Variants in ELF2 observed in about 807,000 individuals in gnomAD.
ELF2 encodes the protein E74 like ETS transcription factor 2.
Under a neutral mutation model 54.8 loss-of-function variants are expected in ELF2, and 11 were observed. That is an observed-to-expected ratio of 0.20 (90% CI 0.13 to 0.33). The LOEUF (loss-of-function observed/expected upper bound fraction) is 0.33. Among genes scored for constraint, ELF2 ranks in the 10% least tolerant of loss-of-function variants. ELF2 has a pLI of 1.00. For missense variants in ELF2, 513 were observed against 703.0 expected (o/e 0.73, Z 3.06); for synonymous variants, 203 against 245.1 (o/e 0.83, Z 1.61).
intron 4 of ELF2, among the ~76,000 whole-genome samples, chr4:139,090,697 C>T (rs182426539): frequency 1.1e-3 from 174 of 152,234 alleles, no homozygotes; most frequent in African/African-American, 4.0e-3. Flanking sequence ...CAGGCTCAAA[C>T]GATTCTCGTG....
chr4:139,149,413 C>T (rs1484029739), intron 1 of ELF2, among the ~76,000 whole-genome samples: 1 of 152,110 alleles, frequency 6.6e-6, no homozygotes, highest in Non-Finnish European at 1.5e-5. Flanking sequence ...AGTTTGAGAC[C>T]AGCCTGGCCA....
rs1560768456 is a variant in ELF2, at chr4:139,071,848, T to C, written c.526+18A>G. The C allele has an allele frequency of 1.3e-6, 2 of 1,559,728 alleles. No individual in the cohort carries two copies. The highest frequency in any genetic ancestry group is 1.7e-6 in the Non-Finnish European group (2 of 1,161,736). On this transcript the variant is annotated intron_variant, in intron 6 of 9. Transcript: ENST00000686138. ...AAATTTTCACCTGCCTTCTCAGAAA[T>C]GTATAAATATACTCTACCTTTTTTC...
chr4:139,104,793 C>T (rs988231757), intron 4 of ELF2, among the ~76,000 whole-genome samples: 1 of 152,160 alleles, frequency 6.6e-6, no homozygotes, highest in Non-Finnish European at 1.5e-5. Flanking sequence ...TAACCAGAGG[C>T]CTTCACTGTC....
chr4:139,092,464 A>T (rs1197134252), intron 4 of ELF2, among the ~76,000 whole-genome samples: 28 of 151,452 alleles, frequency 1.8e-4, no homozygotes, highest in Non-Finnish European at 4.4e-5. Context: ...AACATAACAT[A>T]ACATAACATA....
At position 139,148,284 on chromosome 4, in the gene ELF2, G is replaced by A. The variant is rs893033009; in HGVS notation, c.-251-8787C>T. The stretch of plus-strand genomic sequence containing the variant: ...TACCTCAGGGCCTCTACAGTAGCTA[G>A]GACTACAGACAGGTGAAGTCATACC... On this transcript the variant is annotated intron_variant, in intron 1 of 9. Transcript: ENST00000686138. Among the ~76,000 whole-genome samples the A allele has an allele frequency of 2.7e-5, 4 of 147,732 alleles. No individual in the cohort carries two copies. In the Admixed American group the frequency reaches 2.7e-4, roughly 10 times the overall value.
chr4:139,154,915 T>A (rs570694344), intron 1 of ELF2, among the ~76,000 whole-genome samples: 3 of 152,212 alleles, frequency 2.0e-5, no homozygotes, highest in African/African-American at 7.2e-5. Context: ...TTGTCTCTTA[T>A]CTACCCACAC....
chr4:139,133,130 C>A (rs1160343107), intron 3 of ELF2, among the ~76,000 whole-genome samples: 1 of 151,938 alleles, frequency 6.6e-6, no homozygotes, highest in Admixed American at 6.6e-5. Context: ...ACTGCGATAG[C>A]CAGGATGTTC....
At chr4:139,148,946 A>T (rs903474916) in intron 1 of ELF2, among the ~76,000 whole-genome samples, 1 of 152,224 alleles carries the variant, frequency 6.6e-6, no homozygotes, top group Non-Finnish European at 1.5e-5. Flanking sequence ...ATTTTGGTAG[A>T]TGCGGTACAA....
chr4:139,162,876 T>C (rs889613873), intron 1 of ELF2, among the ~76,000 whole-genome samples: 7 of 152,016 alleles, frequency 4.6e-5, no homozygotes, highest in Non-Finnish European at 1.0e-4. Context: ...ACAGGAGGAT[T>C]ACTTAAGGCC....
chr4:139,085,006 G>C (rs1197210132), intron 4 of ELF2, among the ~76,000 whole-genome samples: 1 of 152,112 alleles, frequency 6.6e-6, no homozygotes, highest in Non-Finnish European at 1.5e-5. Flanking sequence ...CTGGAGATGA[G>C]ACTCCCCCAA....
In ELF2 at chr4:139,170,288, A is replaced by G. The variant is rs866558542; in HGVS notation, c.-252+6679T>C. ...TTTTTTTTTTTTTTTTTTTTGAGACAGAGTCTCGCTCTGTTGCCCAGGCTG... is the reference window on the plus strand; with the variant it reads ...TTTTTTTTTTTTTTTTTTTTGAGACGGAGTCTCGCTCTGTTGCCCAGGCTG... On this transcript the variant is annotated intron_variant, in intron 1 of 9. Coordinates refer to ENST00000686138, the MANE Select transcript of ELF2 (RefSeq NM_001331036.3). Among the ~76,000 whole-genome samples the G allele has an allele frequency of 1.4e-4, 18 of 130,684 alleles. No individual in the cohort carries two copies. In the South Asian group the frequency reaches 3.5e-3, roughly 25 times the overall value. 85.7% of individuals were successfully genotyped at this position (130,684 alleles called of 152,430 possible).
At chr4:139,144,692 G>A (rs1367228189) in intron 1 of ELF2, among the ~76,000 whole-genome samples, 1 of 152,192 alleles carries the variant, frequency 6.6e-6, no homozygotes, top group Non-Finnish European at 1.5e-5. Context: ...GTGTGTAGGA[G>A]CTGGATGAGA....
chr4:139,133,456 A>T (rs1737760904), intron 3 of ELF2, among the ~76,000 whole-genome samples: 3 of 152,200 alleles, frequency 2.0e-5, no homozygotes. Flanking sequence ...CAATTAGTGC[A>T]GCTTTATAGA....
chr4:139,117,476 A>G (rs1735848397), intron 4 of ELF2, among the ~76,000 whole-genome samples: 1 of 151,768 alleles, frequency 6.6e-6, no homozygotes, highest in Admixed American at 6.6e-5. Flanking sequence ...GGCAGATCGC[A>G]TGAGGCCAGG....
chr4:139,121,387 T>C (rs138148794), intron 4 of ELF2, among the ~76,000 whole-genome samples: 2,112 of 152,084 alleles, frequency 0.014, 24 homozygotes, highest in Middle Eastern at 0.034. Flanking sequence ...GGATTACAGG[T>C]GTGAACCACC....
At chr4:139,079,296 T>C (rs1323274164) in intron 4 of ELF2, among the ~76,000 whole-genome samples, 2 of 152,186 alleles carry the variant, frequency 1.3e-5, no homozygotes, top group Non-Finnish European at 2.9e-5. Flanking sequence ...CAAATCTTAT[T>C]ATACTTGATT....
chr4:139,058,149 G>T lies in ELF2; in HGVS notation c.*834C>A, dbSNP rs983678202. The stretch of plus-strand genomic sequence containing the variant: ...TGCCAAGGCTAAGTGAGTGACACAG[G>T]CATGTTACAGCAAAAGGCCAGAGCC... On this transcript the variant is annotated 3_prime_UTR_variant, in exon 10 of 10. Transcript: ENST00000686138. 1 of 152,476 alleles carries T rather than the reference G, an allele frequency of 6.6e-6. No homozygotes were observed. Among genetic ancestry groups the T allele is most frequent in the African/African-American group, 2.4e-5 (1 of 41,428 alleles). The allele number at this position is 152,476 out of a possible 1,614,324, so 9.4% of individuals were successfully genotyped here.
chr4:139,134,519 G>A (rs1021089778), intron 3 of ELF2, among the ~76,000 whole-genome samples: 1 of 147,582 alleles, frequency 6.8e-6, no homozygotes, highest in African/African-American at 2.7e-5. Context: ...ACCATGCCTG[G>A]CTAGTATTTA....
chr4:139,171,481 A>T (rs189767271), intron 1 of ELF2, among the ~76,000 whole-genome samples: 1 of 152,340 alleles, frequency 6.6e-6, no homozygotes, highest in Non-Finnish European at 1.5e-5. Flanking sequence ...CACAAAAAAA[A>T]ATTGCAACTT....
Sources: gnomAD v4.1 joint callset for allele counts (sites outside exome capture counted in the v4.1 genomes callset) on GRCh38, gnomAD v4.1.1 for gene constraint, MANE v1.5 for transcripts, NCBI Gene and HGNC (gene_info 2026-07-23, HGNC 2026-07-21) for gene names.